The following AADAC variants were observed in gnomAD, a reference collection of about 807,000 sequenced individuals.
The protein encoded by AADAC is arylacetamide deacetylase (esterase).
In AADAC, 17 loss-of-function variants were observed where a neutral mutation model predicts 22.7. The ratio of observed to expected loss-of-function variants is 0.75; its 90% CI spans 0.51 to 1.12. The LOEUF (loss-of-function observed/expected upper bound fraction) is 1.12. Among genes scored for constraint, AADAC ranks in the 50% most tolerant of loss-of-function variants. The pLI is 0.00. For missense variants in AADAC, 465 were observed against 473.9 expected, an observed-to-expected ratio of 0.98 and a Z score of 0.17; for synonymous variants, 167 against 176.3, an observed-to-expected ratio of 0.95 and a Z score of 0.42.
At chr3:151,818,824 G>C (rs1324324939) in intron 2 of AADAC, among the ~76,000 whole-genome samples, 1 of 152,028 alleles carries the variant, frequency 6.6e-6, no homozygotes, top group Non-Finnish European at 1.5e-5. Context: ...ACAGCAGAAA[G>C]ACAAAAACAT....
intron 1 of AADAC, among the ~76,000 whole-genome samples, chr3:151,816,281 A>T (rs1436368175): frequency 6.6e-6 from 1 of 151,860 alleles, no homozygotes; most frequent in Non-Finnish European, 1.5e-5. Flanking sequence ...TCTAAACTAA[A>T]CCAGTTCCTC....
intron 3 of AADAC, 59 bp downstream of exon 3, chr3:151,820,511 GCTTTCT>G: frequency 1.6e-6 from 1 of 639,208 alleles, no homozygotes; most frequent in Non-Finnish European, 2.2e-6. Context: ...GATTTTCTCA[GCTTTCT>G]TTTTTTTTTT....
At position 151,817,454 on chromosome 3, in the gene AADAC, A is replaced by G. The variant is rs1464571514; in HGVS notation, c.227A>G (p.Asp76Gly). Residue 76 changes from aspartate (D) to glycine (G), a missense_variant, in exon 2 of 5, where the codon GAT (aspartate) becomes GGT (glycine). Coordinates refer to ENST00000232892, the MANE Select transcript of AADAC (RefSeq NM_001086.3). ...TTTGATGAAGTCCCACCAACCTCAG[A>G]TGAAAATGTCACTGTGACTGAGACA... ...GSFDEVPPTSDENVTVTETKF... is the reference protein window; with the variant it reads ...GSFDEVPPTSGENVTVTETKF... 1.2e-6 allele frequency: 2 copies of G among 1,613,802 alleles called. No individual in the cohort carries two copies. Among genetic ancestry groups the G allele is most frequent in the Non-Finnish European group, 1.7e-6 (2 of 1,179,748 alleles).
chr3:151,817,401 T>A lies in AADAC; in HGVS notation c.174T>A (p.Phe58Leu), dbSNP rs752393600. Residue 58 changes from phenylalanine to leucine, a missense_variant, in exon 2 of 5, where the codon TTT becomes TTA. Transcript: ENST00000232892. Reference sequence around the variant, plus strand: ...TGGAGCTCCTGGGACTTCACCATTTTATGGATTCCTTTAAGGTTGTCGGGA... The same window carrying A: ...TGGAGCTCCTGGGACTTCACCATTTAATGGATTCCTTTAAGGTTGTCGGGA... ...TFVELLGLHH[F>L]MDSFKVVGSF... 1.1e-5 allele frequency: 17 copies of A among 1,613,578 alleles called. No individual in the cohort carries two copies. The African/African-American group carries it at 2.1e-4, about 20-fold the overall frequency.
At chr3:151,817,708 C>A in intron 2 of AADAC, 120 bp downstream of exon 2, 2 of 876,092 alleles carry the variant, frequency 2.3e-6, no homozygotes, top group Non-Finnish European at 3.5e-6. Flanking sequence ...TCTTCTCGTG[C>A]TTTGTTCTGG....
intron 2 of AADAC, among the ~76,000 whole-genome samples, chr3:151,818,515 G>A (rs537886684): frequency 6.6e-6 from 1 of 152,128 alleles, no homozygotes; most frequent in African/African-American, 2.4e-5. Flanking sequence ...TCGAAGAAGA[G>A]TTATAGGTAG....
intron 4 of AADAC, among the ~76,000 whole-genome samples, chr3:151,825,758 A>C (rs908414196): frequency 2.6e-5 from 4 of 152,014 alleles, no homozygotes; most frequent in Non-Finnish European, 2.9e-5. Context: ...TTTTGTTTTT[A>C]TGATGAAGGA....
intron 1 of AADAC, 44 bp from the exon 2 acceptor site, chr3:151,817,322 A>G (rs757897440): frequency 6.4e-7 from 1 of 1,552,636 alleles, no homozygotes; most frequent in Non-Finnish European, 8.9e-7. Context: ...TCTCTTTGCC[A>G]TTTGATACTT....
chr3:151,823,012 G>C (rs1409088266), intron 3 of AADAC, among the ~76,000 whole-genome samples: 1 of 152,010 alleles, frequency 6.6e-6, no homozygotes, highest in African/African-American at 2.4e-5. Context: ...GGGTGCAGTG[G>C]CTCATGCCTG....
At chr3:151,816,782 G>T (rs1210607985) in intron 1 of AADAC, among the ~76,000 whole-genome samples, 1 of 151,898 alleles carries the variant, frequency 6.6e-6, no homozygotes, top group Non-Finnish European at 1.5e-5. Flanking sequence ...CTATCTTGAG[G>T]TTACAGAAAG....
intron 1 of AADAC, among the ~76,000 whole-genome samples, chr3:151,815,635 T>C (rs117190374): frequency 6.6e-6 from 1 of 152,084 alleles, no homozygotes; most frequent in East Asian, 1.9e-4. Flanking sequence ...AGCAATTATA[T>C]ATATATTCTT....
chr3:151,824,688 T>C lies in AADAC; in HGVS notation c.457T>C (p.Phe153Leu). The C allele has an allele frequency of 6.3e-7, 1 of 1,585,042 alleles. No individual in the cohort carries two copies. The highest frequency in any genetic ancestry group is 8.6e-7 in the Non-Finnish European group (1 of 1,168,100). The change falls in exon 4 of 5, where the codon TTC becomes CTC. Residue 153 changes from phenylalanine to leucine, a missense_variant. Coordinates refer to ENST00000232892, the MANE Select transcript of AADAC (RefSeq NM_001086.3). The stretch of plus-strand genomic sequence containing the variant: ...CTACAGATTAGCACCTAAGTATCAT[T>C]TCCCAATTCAATTTGAAGATGTATA... ...TNYRLAPKYH[F>L]PIQFEDVYNA...
intron 3 of AADAC, 64 bp downstream of exon 3, chr3:151,820,516 CTTTTTTTTT>C: frequency 7.3e-6 from 3 of 411,176 alleles, no homozygotes; most frequent in African/African-American, 3.5e-5. Context: ...TCTCAGCTTT[CTTTTTTTTT>C]TTTTTTTTTT....
chr3:151,821,532 A>G (rs773417033), intron 3 of AADAC, among the ~76,000 whole-genome samples: 2 of 152,008 alleles, frequency 1.3e-5, no homozygotes, highest in Non-Finnish European at 2.9e-5. Context: ...TCATTATTAT[A>G]AAGTTGGGAC....
intron 4 of AADAC, 21 bp downstream of exon 4, chr3:151,824,855 C>A (rs753642809): frequency 1.3e-6 from 2 of 1,504,096 alleles, no homozygotes; most frequent in Non-Finnish European, 1.8e-6. Flanking sequence ...AATTTCTATG[C>A]TTTTTAAAAA....
chr3:151,815,965 T>C (rs1715973120), intron 1 of AADAC, among the ~76,000 whole-genome samples: 2 of 152,076 alleles, frequency 1.3e-5, no homozygotes, highest in South Asian at 4.1e-4. Flanking sequence ...TTGAGAATCC[T>C]GGTAAATATC....
Position 151,817,577 on chromosome 3 carries a change from TG to T in AADAC, c.353del (p.Gly118GlufsTer5). The T allele has an allele frequency of 1.2e-6, 2 of 1,613,134 alleles. No homozygotes were observed. The highest frequency in any genetic ancestry group is 1.7e-6 in the Non-Finnish European group (2 of 1,179,274). ...TACATCCATGGTGGAGGCTGGTGCGTGGGAAGTGCTGGTAAGTGAATGCTTT... is the reference window on the plus strand; with the variant it reads ...TACATCCATGGTGGAGGCTGGTGCGTGGAAGTGCTGGTAAGTGAATGCTTT... ...LFYIHGGGWC[V>X]GSAALSGYDL... On this transcript the variant is annotated frameshift_variant, in exon 2 of 5. Coordinates refer to ENST00000232892, the MANE Select transcript of AADAC (RefSeq NM_001086.3). LOFTEE classifies it high-confidence loss of function.
intron 2 of AADAC, among the ~76,000 whole-genome samples, chr3:151,819,413 GA>G (rs1175492850): frequency 6.6e-6 from 1 of 151,906 alleles, no homozygotes; most frequent in Non-Finnish European, 1.5e-5. Context: ...GACATGATGG[GA>G]TATTCACAGA....
Position 151,827,690 on chromosome 3 carries a change from TTTCTATCCAA to T in AADAC, c.719_728del (p.Phe240TyrfsTer50), listed in dbSNP as rs761106532. On this transcript the variant is annotated frameshift_variant, in exon 5 of 5. Transcript: ENST00000232892. LOFTEE classifies it low-confidence loss of function (END_TRUNC). ...ATATCAAGAAAATTCAAATTTTCTA[TTTCTATCCAA>T]ATCACTCATGGTCAGATTCTGGAGT... The T allele has an allele frequency of 6.2e-7, 1 of 1,612,858 alleles. No individual in the cohort carries two copies. Among genetic ancestry groups the T allele is most frequent in the Non-Finnish European group, 8.5e-7 (1 of 1,179,142 alleles).
Sources: allele counts gnomAD v4.1 joint callset (sites outside exome capture counted in the v4.1 genomes callset), GRCh38; gene constraint gnomAD v4.1.1; transcripts MANE v1.5; gene names NCBI Gene and HGNC (gene_info 2026-07-23, HGNC 2026-07-21).